Variants in GLDC observed in about 807,000 individuals in gnomAD.
GLDC encodes glycine decarboxylase, also known as glycine dehydrogenase (decarboxylating), mitochondrial.
Under a neutral mutation model 121.3 loss-of-function variants are expected in GLDC, and 104 were observed. That is an observed-to-expected ratio of 0.86 (90% CI 0.73 to 1.01). The LOEUF is 1.01. Ranked by LOEUF, GLDC falls within the 50% of genes least tolerant of loss-of-function variation. The probability of loss-of-function intolerance (pLI) is 0.00; values close to 1 mark genes in which losing one functional copy is unlikely to be tolerated. For synonymous variants in GLDC, 546 were observed against 480.6 expected (o/e 1.14, Z -1.78); for missense variants, 1,429 against 1,306.6 (o/e 1.09, Z -1.44).
chr9:6,628,842 T>C (rs1819303123), intron 2 of GLDC, among the ~76,000 whole-genome samples: 1 of 152,212 alleles, frequency 6.6e-6, no homozygotes, highest in African/African-American at 2.4e-5. Flanking sequence ...CTCTCAGCCA[T>C]GAAGGAATTC....
chr9:6,583,296 G>A (rs527908020), intron 15 of GLDC, among the ~76,000 whole-genome samples: 9 of 152,186 alleles, frequency 5.9e-5, no homozygotes, highest in African/African-American at 1.4e-4. Flanking sequence ...CACTATAGCC[G>A]AAAGGATGGA....
Position 6,591,343 on chromosome 9 carries a change from T to C in GLDC, c.1482+800A>G, listed in dbSNP as rs144603511. ...GCTCATCCTGTGAGCTCCCAGAACA[T>C]CTTCACACATCAGTCACCTGGATTC... On this transcript the variant is annotated intron_variant, in intron 11 of 24. Coordinates refer to ENST00000321612, the MANE Select transcript of GLDC (RefSeq NM_000170.3). 2.2e-3 allele frequency among the ~76,000 whole-genome samples: 337 copies of C among 152,318 alleles called. 1 individual carries two copies. The highest frequency in any genetic ancestry group is 3.7e-3 in the Non-Finnish European group (251 of 68,024).
intron 21 of GLDC, among the ~76,000 whole-genome samples, chr9:6,543,619 C>T (rs866564121): frequency 1.3e-4 from 20 of 152,118 alleles, no homozygotes; most frequent in African/African-American, 4.8e-4. Flanking sequence ...ATAGAAACTG[C>T]GGTGGAATTC....
At chr9:6,636,968 C>T (rs1163572055) in intron 2 of GLDC, among the ~76,000 whole-genome samples, 1 of 151,904 alleles carries the variant, frequency 6.6e-6, no homozygotes, top group Non-Finnish European at 1.5e-5. Context: ...CCTGTAATCC[C>T]AGCTACTCGG....
intron 2 of GLDC, among the ~76,000 whole-genome samples, chr9:6,636,948 G>T (rs989796351): frequency 1.3e-4 from 20 of 152,072 alleles, no homozygotes; most frequent in African/African-American, 4.8e-4. Context: ...GCTGGCTGTG[G>T]TGGTGGGTGC....
intron 2 of GLDC, among the ~76,000 whole-genome samples, chr9:6,644,057 A>AACG (rs1819686768): frequency 1.4e-5 from 2 of 147,228 alleles, no homozygotes; most frequent in African/African-American, 5.0e-5. Context: ...AAAACGAAAA[A>AACG]AAAAAGAAAA....
chr9:6,595,431 G>A (rs1818472794), intron 8 of GLDC, among the ~76,000 whole-genome samples: 3 of 152,170 alleles, frequency 2.0e-5, no homozygotes, highest in African/African-American at 7.2e-5. Flanking sequence ...ACATTGAGAA[G>A]CAATGTTTAA....
chr9:6,586,239 G>A (rs1818269172), intron 15 of GLDC, among the ~76,000 whole-genome samples: 1 of 152,036 alleles, frequency 6.6e-6, no homozygotes, highest in Non-Finnish European at 1.5e-5. Context: ...AGGTTGCGGT[G>A]AGCCGAGATC....
At chr9:6,564,763 G>A (rs1034277219) in intron 16 of GLDC, among the ~76,000 whole-genome samples, 1 of 152,212 alleles carries the variant, frequency 6.6e-6, no homozygotes, top group Non-Finnish European at 1.5e-5. Context: ...AGTACCTGCT[G>A]GTCCCCACAG....
At chr9:6,543,398 G>C (rs1258991173) in intron 21 of GLDC, among the ~76,000 whole-genome samples, 1 of 152,114 alleles carries the variant, frequency 6.6e-6, no homozygotes, top group Non-Finnish European at 1.5e-5. Context: ...GGGGGAGGAG[G>C]CACTCTTGCT....
intron 15 of GLDC, among the ~76,000 whole-genome samples, chr9:6,582,685 C>T (rs1324181143): frequency 2.0e-5 from 3 of 151,860 alleles, no homozygotes; most frequent in Admixed American, 6.6e-5. Flanking sequence ...AAAAATTAGC[C>T]GGGTGTGGTG....
At position 6,615,847 on chromosome 9, in the gene GLDC, C is replaced by G. The variant is rs370392327; in HGVS notation, c.470+4337G>C. On this transcript the variant is annotated intron_variant, in intron 3 of 24. Coordinates refer to ENST00000321612, the MANE Select transcript of GLDC (RefSeq NM_000170.3). ...CAGGCTGGTCTTGAACACCTGACCT[C>G]AAGTGATCTGCCCACCTCGGCCTCC... 4.6e-5 allele frequency among the ~76,000 whole-genome samples: 7 copies of G among 152,296 alleles called. No individual in the cohort carries two copies. In the East Asian group the frequency reaches 1.4e-3, roughly 29 times the overall value.
At chr9:6,589,765 G>C (rs1818341303) in intron 11 of GLDC, among the ~76,000 whole-genome samples, 1 of 151,930 alleles carries the variant, frequency 6.6e-6, no homozygotes, top group Non-Finnish European at 1.5e-5. Context: ...CTAAAACTTA[G>C]AAGAAAATAG....
At position 6,623,612 on chromosome 9, in the gene GLDC, T is replaced by C. The variant is rs34295613; in HGVS notation, c.335-3293A>G. 6.3e-3 allele frequency among the ~76,000 whole-genome samples: 866 copies of C among 137,884 alleles called. 2 individuals are homozygous for C. The highest frequency in any genetic ancestry group is 0.01 in the Non-Finnish European group (638 of 63,076). 90.5% of individuals were successfully genotyped at this position (137,884 alleles called of 152,430 possible). ...GAGAGAAACACCCAAGAATGATCAA[T>C]AAAAAAAAAAATAAAAAAAGAGAGA... is the stretch of plus-strand genomic sequence containing the variant. On this transcript the variant is annotated intron_variant, in intron 2 of 24. Transcript: ENST00000321612.
At chr9:6,554,023 A>G (rs923392212) in intron 19 of GLDC, among the ~76,000 whole-genome samples, 1 of 152,156 alleles carries the variant, frequency 6.6e-6, no homozygotes, top group Non-Finnish European at 1.5e-5. Context: ...AAAAAGTAAG[A>G]AGGCCAAGCT....
At chr9:6,602,410 T>C (rs996052885) in intron 7 of GLDC, among the ~76,000 whole-genome samples, 49 of 151,212 alleles carry the variant, frequency 3.2e-4, no homozygotes, top group African/African-American at 1.2e-3. Flanking sequence ...GGAGTTTCGC[T>C]CTTTCGCCCA....
At chr9:6,603,161 G>C (rs1333988196) in intron 7 of GLDC, among the ~76,000 whole-genome samples, 1 of 151,916 alleles carries the variant, frequency 6.6e-6, no homozygotes, top group African/African-American at 2.4e-5. Context: ...CTGGGAGGCA[G>C]AGGTTGCAGT....
At chr9:6,631,151 T>C (rs574618525) in intron 2 of GLDC, among the ~76,000 whole-genome samples, 2 of 152,326 alleles carry the variant, frequency 1.3e-5, no homozygotes, top group East Asian at 3.9e-4. Context: ...GTCTCCTTGC[T>C]CTAAGCCTGC....
Position 6,605,154 on chromosome 9 carries a change from C to T in GLDC, c.838G>A (p.Val280Met), listed in dbSNP as rs1258949524. 4.3e-6 allele frequency: 7 copies of T among 1,612,822 alleles called. No individual in the cohort carries two copies. The African/African-American group carries it at 5.3e-5, about 12-fold the overall frequency. ...ACCCCACTCTGATGAGCTCTCTCCA[C>T]GAGTTCCGTAAAGTCTTCCACCTTC... ...EGKVEDFTEL[V>M]ERAHQSGSLA... The change falls in exon 6 of 25, where the codon GTG (valine) becomes ATG (methionine). Residue 280 changes from valine (V) to methionine (M), a missense_variant. By Grantham distance (21) the Val-to-Met change is conservative. Transcript: ENST00000321612.
Sources: allele counts gnomAD v4.1 joint callset (sites outside exome capture counted in the v4.1 genomes callset), GRCh38; gene constraint gnomAD v4.1.1; transcripts MANE v1.5; gene names NCBI Gene and HGNC (gene_info 2026-07-23, HGNC 2026-07-21).